TMC5: variants seen among roughly 807,000 people sequenced by gnomAD.
The protein encoded by TMC5 is transmembrane channel like 5, also known as transmembrane channel-like protein 5.
TMC5 carries 86 observed loss-of-function variants against 110.5 expected under a neutral mutation model. That is an observed-to-expected ratio of 0.78 (90% CI 0.65 to 0.93). The LOEUF (loss-of-function observed/expected upper bound fraction) is 0.93, where lower values mean the gene tolerates loss of function less well. TMC5 is among the 40% of genes least tolerant of loss of function. The pLI is 0.00. For missense variants in TMC5, 1,144 were observed against 1,222.8 expected (o/e 0.94, Z 0.96); for synonymous variants, 455 against 439.5 (o/e 1.04, Z -0.44).
intron 2 of TMC5, among the ~76,000 whole-genome samples, chr16:19,434,133 T>A (rs1356040878): frequency 1.5e-4 from 14 of 91,528 alleles, no homozygotes; most frequent in Non-Finnish European, 3.0e-4. Context: ...ATATCTAAAA[T>A]ATATATATCT....
At chr16:19,473,518 A>G (rs1003069677) in intron 11 of TMC5, among the ~76,000 whole-genome samples, 4 of 152,064 alleles carry the variant, frequency 2.6e-5, no homozygotes, top group African/African-American at 7.2e-5. Context: ...GCATCTTGGT[A>G]AAAAAGGGAA....
intron 13 of TMC5, among the ~76,000 whole-genome samples, chr16:19,478,469 A>T (rs1968538956): frequency 6.6e-6 from 1 of 152,112 alleles, no homozygotes; most frequent in Admixed American, 6.5e-5. Context: ...TCATCCATTC[A>T]TGCATCCATC....
chr16:19,439,988 T>C lies in TMC5; in HGVS notation c.-51T>C. 2.1e-6 allele frequency: 3 copies of C among 1,425,620 alleles called. No homozygotes were observed. The highest frequency in any genetic ancestry group is 2.3e-5 in the East Asian group (1 of 43,462). The allele number at this position is 1,425,620 out of a possible 1,614,324, so 88.3% of individuals were successfully genotyped here. A position where few individuals can be genotyped will look rare whatever the true frequency, so the allele number is the denominator to read the frequency against. On this transcript the variant is annotated 5_prime_UTR_variant, in exon 3 of 22. Transcript: ENST00000542583. ...AAAAAAAAAAAAGATCCCTGAGTAA[T>C]TGCAAATGCTGGGACAGTTTACCAC...
chr16:19,472,324 C>T (rs1008895015), intron 11 of TMC5, 81 bp downstream of exon 11: 17 of 1,506,418 alleles, frequency 1.1e-5, no homozygotes, highest in East Asian at 4.6e-5. Flanking sequence ...GTGCAGCCTA[C>T]GGTTCAACCC....
chr16:19,420,881 CA>C (rs1446910536), intron 1 of TMC5, among the ~76,000 whole-genome samples: 2 of 152,210 alleles, frequency 1.3e-5, no homozygotes, highest in Non-Finnish European at 2.9e-5. Flanking sequence ...ACATCCAAAG[CA>C]AAATAGTGGC....
At chr16:19,457,709 CTTTTTTTTTT>C (rs573979829) in intron 5 of TMC5, among the ~76,000 whole-genome samples, 320 of 43,892 alleles carry the variant, frequency 7.3e-3, no homozygotes, top group Non-Finnish European at 0.014. Context: ...AGACTACATT[CTTTTTTTTTT>C]TTTTTTTTTT....
intron 1 of TMC5, among the ~76,000 whole-genome samples, chr16:19,424,809 A>G (rs959625151): frequency 2.6e-5 from 4 of 152,112 alleles, no homozygotes; most frequent in Non-Finnish European, 4.4e-5. Context: ...AAGATCTCCA[A>G]TCTCTTCATT....
At chr16:19,464,553 A>G (rs1968109149) in intron 8 of TMC5, among the ~76,000 whole-genome samples, 1 of 152,170 alleles carries the variant, frequency 6.6e-6, no homozygotes, top group Admixed American at 6.6e-5. Context: ...TTTGGCAAAC[A>G]TATGGACACT....
intron 5 of TMC5, among the ~76,000 whole-genome samples, chr16:19,451,668 A>G (rs1557516): frequency 0.07 from 10,671 of 152,130 alleles, 749 homozygotes; most frequent in African/African-American, 0.19. Context: ...ATCGCTGGGT[A>G]TCCTCCAATT....
At chr16:19,486,527 C>T (rs962222551) in intron 15 of TMC5, among the ~76,000 whole-genome samples, 2 of 152,136 alleles carry the variant, frequency 1.3e-5, no homozygotes, top group African/African-American at 4.8e-5. Flanking sequence ...CAAGCATACG[C>T]CATCATGCCT....
intron 4 of TMC5, among the ~76,000 whole-genome samples, chr16:19,444,665 A>G (rs2143486877): frequency 6.6e-6 from 1 of 152,322 alleles, no homozygotes; most frequent in Non-Finnish European, 1.5e-5. Flanking sequence ...GGGCAAACAA[A>G]ACCACATTTT....
chr16:19,448,038 C>T (rs1443861834), intron 4 of TMC5, among the ~76,000 whole-genome samples: 1 of 151,774 alleles, frequency 6.6e-6, no homozygotes, highest in Non-Finnish European at 1.5e-5. Context: ...CTCCATTTCT[C>T]CCAGCTAATT....
At chr16:19,426,454 G>A (rs1967089604) in intron 1 of TMC5, among the ~76,000 whole-genome samples, 2 of 152,208 alleles carry the variant, frequency 1.3e-5, no homozygotes, top group Non-Finnish European at 2.9e-5. Context: ...CAGTGGGGAA[G>A]GGAAGAGGAC....
chr16:19,444,156 A>G lies in TMC5; in HGVS notation c.864A>G (p.Gly288=). ...ATGACCCCGTGGGCAGTCTTTGGGG[A>G]GAGAATGATTACCCTGAAGGCATTG... ...RSDDPVGSLW[G]ENDYPEGIEM... Residue 288 remains glycine, a synonymous_variant, in exon 4 of 22, where the codon GGA becomes GGG. Transcript: ENST00000542583. The G allele has an allele frequency of 6.2e-7, 1 of 1,614,100 alleles. No individual in the cohort carries two copies. The highest frequency in any genetic ancestry group is 8.5e-7 in the Non-Finnish European group (1 of 1,180,028).
At chr16:19,447,830 A>G (rs973428091) in intron 4 of TMC5, among the ~76,000 whole-genome samples, 12 of 152,058 alleles carry the variant, frequency 7.9e-5, no homozygotes, top group African/African-American at 2.9e-4. Context: ...CCGAAATTAC[A>G]GGCATACACC....
chr16:19,462,652 CA>C, intron 6 of TMC5: 1 of 621,324 alleles, frequency 1.6e-6, no homozygotes, highest in Non-Finnish European at 2.9e-6. Context: ...GTAATCCCAG[CA>C]CTTTGGGAGG....
At chr16:19,474,426 G>A (rs887418474) in intron 12 of TMC5, 150 bp downstream of exon 12, 2 of 877,810 alleles carry the variant, frequency 2.3e-6, no homozygotes, top group African/African-American at 1.7e-5. Context: ...GGTGGCTCAT[G>A]TCAGTAATCC....
At chr16:19,411,009 C>G (rs1267528552) in exon 1 of TMC5, 1 of 152,310 alleles carries the variant, frequency 6.6e-6, no homozygotes, top group Non-Finnish European at 1.5e-5. Context: ...GTGGAGGGGG[C>G]AGCGGCTCCA....
Position 19,460,285 on chromosome 16 carries a change from A to G in TMC5, c.1099A>G (p.Lys367Glu), listed in dbSNP as rs773056920. Residue 367 changes from lysine (K) to glutamate (E), a missense_variant, in exon 6 of 22, where the codon AAA becomes GAA. Lys to Glu is a moderately conservative substitution (Grantham distance 56). Transcript: ENST00000542583. ...LIPMTSRDRIKAIRNQPRTME... is the reference protein window; with the variant it reads ...LIPMTSRDRIEAIRNQPRTME... ...ACCCATGACATCCAGAGACAGAATT[A>G]AAGCCATCAGGAACCAGCCAAGGAC... 11 of 1,613,778 alleles carry G rather than the reference A, an allele frequency of 6.8e-6. No homozygotes were observed. The Admixed American group carries it at 1.8e-4, about 27-fold the overall frequency.
Sources: gnomAD v4.1 joint callset for allele counts (sites outside exome capture counted in the v4.1 genomes callset) on GRCh38, gnomAD v4.1.1 for gene constraint, MANE v1.5 for transcripts, NCBI Gene and HGNC (gene_info 2026-07-23, HGNC 2026-07-21) for gene names.